TBC1D22A: variants seen among roughly 807,000 people sequenced by gnomAD.
TBC1D22A encodes the protein TBC1 domain family member 22A.
Under a neutral mutation model 60.2 loss-of-function variants are expected in TBC1D22A, and 38 were observed. That is an observed-to-expected ratio of 0.63 (90% CI 0.49 to 0.83). TBC1D22A has a LOEUF of 0.83. TBC1D22A is among the 40% of genes least tolerant of loss of function. The pLI is 0.00. For synonymous variants in TBC1D22A, 302 were observed against 281.7 expected (o/e 1.07, Z -0.72); for missense variants, 628 against 701.0 (o/e 0.90, Z 1.18).
chr22:47,172,055 G>GCCTACCCAGCACTCCCAGTGAA (rs2068497543), intron 12 of TBC1D22A, among the ~76,000 whole-genome samples: 1 of 145,094 alleles, frequency 6.9e-6, no homozygotes, highest in South Asian at 2.2e-4. Context: ...CTCCCAGTGA[G>GCCTACCCAGCACTCCCAGTGAA]CCTACCCAGC....
intron 4 of TBC1D22A, among the ~76,000 whole-genome samples, chr22:46,836,478 T>C (rs5769179): frequency 0.99 from 150,435 of 152,018 alleles, 74,439 homozygotes; most frequent in East Asian, 1. Flanking sequence ...AACATACAGT[T>C]GATATGGAAA....
At chr22:47,088,076 T>TAAA (rs372837555) in intron 11 of TBC1D22A, among the ~76,000 whole-genome samples, 2,477 of 42,374 alleles carry the variant, frequency 0.058, 36 homozygotes, top group South Asian at 0.1. Flanking sequence ...CCATCTCAAA[T>TAAA]AAAAAATAAT....
chr22:46,832,381 T>C (rs2147162998), intron 4 of TBC1D22A, among the ~76,000 whole-genome samples: 1 of 152,380 alleles, frequency 6.6e-6, no homozygotes, highest in South Asian at 2.1e-4. Flanking sequence ...CCGGGCGCAG[T>C]GGCTCACGCC....
At chr22:47,008,792 G>C (rs564450606) in intron 10 of TBC1D22A, among the ~76,000 whole-genome samples, 3 of 152,328 alleles carry the variant, frequency 2.0e-5, no homozygotes, top group African/African-American at 7.2e-5. Flanking sequence ...CTTCCAGGTA[G>C]AGCAAACAAG....
intron 11 of TBC1D22A, among the ~76,000 whole-genome samples, chr22:47,052,307 G>A (rs771547353): frequency 1.2e-4 from 18 of 152,210 alleles, no homozygotes; most frequent in Non-Finnish European, 2.5e-4. Flanking sequence ...GGTGCCCATC[G>A]GCCATGCGGC....
At chr22:46,869,957 T>A (rs1411429747) in intron 4 of TBC1D22A, among the ~76,000 whole-genome samples, 1 of 152,184 alleles carries the variant, frequency 6.6e-6, no homozygotes, top group Non-Finnish European at 1.5e-5. Flanking sequence ...ATATTTTACA[T>A]CCAATTAGAA....
chr22:47,091,766 C>T (rs1327957524), intron 11 of TBC1D22A, among the ~76,000 whole-genome samples: 2 of 152,092 alleles, frequency 1.3e-5, no homozygotes, highest in African/African-American at 4.8e-5. Context: ...CTTCCTTTTT[C>T]CAGCTGAGGA....
chr22:47,144,652 C>T (rs2067225322), intron 12 of TBC1D22A, among the ~76,000 whole-genome samples: 2 of 152,262 alleles, frequency 1.3e-5, no homozygotes, highest in Non-Finnish European at 2.9e-5. Context: ...TGTCTCCAGT[C>T]AGCACTGGCG....
intron 4 of TBC1D22A, among the ~76,000 whole-genome samples, chr22:46,812,406 C>T (rs990266991): frequency 6.6e-6 from 1 of 152,166 alleles, no homozygotes; most frequent in African/African-American, 2.4e-5. Context: ...ACGGAGCACC[C>T]ATGAATCATG....
chr22:46,858,529 G>C (rs1359087332), intron 4 of TBC1D22A, among the ~76,000 whole-genome samples: 1 of 152,230 alleles, frequency 6.6e-6, no homozygotes, highest in Non-Finnish European at 1.5e-5. Context: ...TACGTTTCAT[G>C]TTTATGATGA....
intron 12 of TBC1D22A, chr22:47,115,988 A>G (rs969580864): frequency 6.6e-6 from 1 of 152,088 alleles, no homozygotes; most frequent in Admixed American, 6.5e-5. Flanking sequence ...TATCCATTTT[A>G]CCCCCCAAGT....
At chr22:47,033,017 G>A (rs2062532834) in intron 10 of TBC1D22A, among the ~76,000 whole-genome samples, 1 of 152,230 alleles carries the variant, frequency 6.6e-6, no homozygotes, top group African/African-American at 2.4e-5. Context: ...TCCCCAAGTA[G>A]CCAACTGCTC....
chr22:46,765,499 T>G (rs978860659), intron 1 of TBC1D22A, among the ~76,000 whole-genome samples: 1 of 152,190 alleles, frequency 6.6e-6, no homozygotes, highest in Non-Finnish European at 1.5e-5. Context: ...GGAGTCTCAC[T>G]GTGTTGCCCA....
chr22:47,008,883 T>G (rs2061665196), intron 10 of TBC1D22A, among the ~76,000 whole-genome samples: 2 of 152,074 alleles, frequency 1.3e-5, no homozygotes, highest in Non-Finnish European at 2.9e-5. Context: ...GTTCCCTATG[T>G]TTTGGTGGCT....
intron 11 of TBC1D22A, among the ~76,000 whole-genome samples, chr22:47,046,191 C>T (rs2063027560): frequency 6.6e-6 from 1 of 152,164 alleles, no homozygotes; most frequent in Non-Finnish European, 1.5e-5. Flanking sequence ...GTCCAAGTAC[C>T]TTACAGGATG....
intron 12 of TBC1D22A, among the ~76,000 whole-genome samples, chr22:47,156,477 C>G (rs1220127381): frequency 2.0e-5 from 3 of 152,174 alleles, no homozygotes; most frequent in Non-Finnish European, 4.4e-5. Flanking sequence ...CGTCTCCTCC[C>G]TCGGACATGG....
At chr22:46,989,055 A>ACGG (rs1030159688) in intron 9 of TBC1D22A, among the ~76,000 whole-genome samples, 1 of 152,174 alleles carries the variant, frequency 6.6e-6, no homozygotes, top group Admixed American at 6.5e-5. Flanking sequence ...TGCTATGGAG[A>ACGG]CGGCTTCTTT....
intron 5 of TBC1D22A, among the ~76,000 whole-genome samples, chr22:46,881,137 C>T (rs1026290444): frequency 2.0e-5 from 3 of 152,122 alleles, no homozygotes; most frequent in Non-Finnish European, 2.9e-5. Context: ...CTACTGCCAT[C>T]CCTACCCACC....
rs1252248330 is a variant in TBC1D22A at position 46,891,533 on chromosome 22, T to G, written c.837+139T>G. On this transcript the variant is annotated intron_variant, in intron 6 of 12. Transcript: ENST00000337137. ...GGTCCCTGATTAGCTCACAGATTTTTATTTTCTAATAAATAAATTTTAAAA... is the reference window on the plus strand; with the variant it reads ...GGTCCCTGATTAGCTCACAGATTTTGATTTTCTAATAAATAAATTTTAAAA... The G allele has an allele frequency of 1.1e-5, 9 of 853,052 alleles. No homozygotes were observed. The East Asian group carries it at 2.7e-4, about 26-fold the overall frequency. The allele number at this position is 853,052 out of a possible 1,614,324, so 52.8% of individuals were successfully genotyped here.
Sources: gnomAD v4.1 joint callset for allele counts (sites outside exome capture counted in the v4.1 genomes callset) on GRCh38, gnomAD v4.1.1 for gene constraint, MANE v1.5 for transcripts, NCBI Gene and HGNC (gene_info 2026-07-23, HGNC 2026-07-21) for gene names.